CCNG1: variants seen among roughly 807,000 people sequenced by gnomAD.
CCNG1 encodes the protein cyclin G1.
Under a neutral mutation model 30.0 loss-of-function variants are expected in CCNG1, and 13 were observed. That is an observed-to-expected ratio of 0.43 (90% CI 0.28 to 0.69). The LOEUF is 0.69. Ranked by LOEUF, CCNG1 falls within the 30% of genes least tolerant of loss-of-function variation. The pLI is 0.16. For synonymous variants in CCNG1, 110 were observed against 121.5 expected (o/e 0.91, Z 0.62); for missense variants, 285 against 331.4 (o/e 0.86, Z 1.09).
downstream of CCNG1, chr5:163,447,781 G>A (rs573078196): frequency 1.3e-5 from 2 of 152,112 alleles, no homozygotes; most frequent in African/African-American, 2.4e-5. Context: ...CTAGAAATCA[G>A]TAACAGCAAG....
At chr5:163,438,109 G>A (rs1757582769) in intron 1 of CCNG1, among the ~76,000 whole-genome samples, 1 of 152,152 alleles carries the variant, frequency 6.6e-6, no homozygotes, top group Non-Finnish European at 1.5e-5. Flanking sequence ...TTTAGTTGGT[G>A]TGGGAGGGAC....
downstream of CCNG1, chr5:163,446,160 C>T (rs1427514839): frequency 6.6e-6 from 1 of 152,182 alleles, no homozygotes; most frequent in Non-Finnish European, 1.5e-5. Context: ...TTATAATTGA[C>T]TTGCCTTAGA....
downstream of CCNG1, chr5:163,448,118 C>T (rs1468764901): frequency 6.6e-6 from 1 of 150,470 alleles, no homozygotes; most frequent in African/African-American, 2.5e-5. Context: ...ATGATCATAA[C>T]ACTACTCCAG....
the CCNG1 span, among the ~76,000 whole-genome samples, chr5:163,454,448 T>G: frequency 6.6e-6 from 1 of 152,178 alleles, no homozygotes; most frequent in African/African-American, 2.4e-5. Context: ...TTCAAGCGAT[T>G]CTCCTGCCTA....
intron 6 of CCNG1, among the ~76,000 whole-genome samples, chr5:163,443,080 C>T (rs926287671): frequency 7.2e-5 from 11 of 152,114 alleles, no homozygotes; most frequent in African/African-American, 2.4e-4. Context: ...GAGGCCAAGG[C>T]GGGCGGATCA....
At chr5:163,439,062 G>A (rs1757659252) in intron 1 of CCNG1, 195 bp from the exon 2 acceptor site, 1 of 527,628 alleles carries the variant, frequency 1.9e-6, no homozygotes, top group Non-Finnish European at 3.3e-6. Flanking sequence ...TTCCCTCTAG[G>A]AACTCAATTT....
chr5:163,454,046 G>C, the CCNG1 span: 1 of 1,526,126 alleles, frequency 6.6e-7, no homozygotes, highest in Non-Finnish European at 8.9e-7. Flanking sequence ...GTCAAAACCA[G>C]GATTCTAAAA....
intron 3 of CCNG1, 115 bp downstream of exon 3, chr5:163,441,446 C>A: frequency 1.0e-6 from 1 of 979,642 alleles, no homozygotes; most frequent in Non-Finnish European, 1.5e-6. Context: ...AAAATGACAG[C>A]TGTGGCTCCT....
intron 2 of CCNG1, 88 bp downstream of exon 2, chr5:163,439,608 C>T: frequency 8.2e-7 from 1 of 1,218,782 alleles, no homozygotes; most frequent in Non-Finnish European, 1.1e-6. Context: ...ATAAACTTGA[C>T]CTTTTTTTTT....
chr5:163,455,244 C>T, the CCNG1 span, among the ~76,000 whole-genome samples: 1 of 151,954 alleles, frequency 6.6e-6, no homozygotes, highest in African/African-American at 2.4e-5. Context: ...TAAAAGTTAG[C>T]CAAACTGTGG....
At position 163,441,171 on chromosome 5, in the gene CCNG1, G is replaced by A. The variant is rs776036808; in HGVS notation, c.358G>A (p.Asp120Asn). The A allele has an allele frequency of 6.2e-7, 1 of 1,614,002 alleles. No homozygotes were observed. Among genetic ancestry groups the A allele is most frequent in the Admixed American group, 1.7e-5 (1 of 60,016 alleles). ...GGAAAGGAATGTCCCATTGGCAACT[G>A]ACTTGATCCGAATAAGTCAATATAG... ...EEERNVPLAT[D>N]LIRISQYRFT... Residue 120 changes from aspartate (D) to asparagine (N), a missense_variant, in exon 3 of 7, where the codon GAC (aspartate) becomes AAC (asparagine). Asp to Asn is a conservative substitution (Grantham distance 23). Transcript: ENST00000340828.
At chr5:163,442,199 C>T (rs1421211949) in intron 5 of CCNG1, 56 bp downstream of exon 5, 23 of 1,214,044 alleles carry the variant, frequency 1.9e-5, no homozygotes, top group Non-Finnish European at 2.6e-5. Flanking sequence ...AACTAAACCC[C>T]TTCTATCTCC....
the CCNG1 span, chr5:163,453,269 C>G: frequency 5.9e-5 from 9 of 152,154 alleles, no homozygotes; most frequent in Non-Finnish European, 1.3e-4. Flanking sequence ...GCCTAAATCA[C>G]TTACAATCAA....
the CCNG1 span, chr5:163,451,514 G>T: frequency 1.3e-5 from 2 of 152,098 alleles, no homozygotes; most frequent in African/African-American, 4.8e-5. Context: ...CACCAAAAAA[G>T]TTAATTTTAC....
chr5:163,449,114 GAATAAAATAAAA>G (rs1467432736), downstream of CCNG1: 1 of 152,030 alleles, frequency 6.6e-6, no homozygotes, highest in African/African-American at 2.4e-5. Flanking sequence ...AGACTAAAAA[GAATAAAATAAAA>G]CTGTTCCTAT....
downstream of CCNG1, chr5:163,450,550 G>A (rs905559312): frequency 6.6e-6 from 1 of 152,112 alleles, no homozygotes; most frequent in African/African-American, 2.4e-5. Flanking sequence ...TACACAAATA[G>A]CCAATAAGCA....
intron 6 of CCNG1, among the ~76,000 whole-genome samples, chr5:163,443,174 C>T (rs1227037694): frequency 3.3e-5 from 5 of 151,894 alleles, no homozygotes; most frequent in South Asian, 2.1e-4. Flanking sequence ...TAGCCAGTCG[C>T]GGTGGCGGGC....
intron 2 of CCNG1, 137 bp downstream of exon 2, chr5:163,439,657 C>G (rs1757707984): frequency 4.5e-6 from 3 of 661,210 alleles, no homozygotes; most frequent in Non-Finnish European, 7.7e-6. Context: ...TCTACTACAG[C>G]ATTAATATTT....
At chr5:163,446,796 C>T (rs1323152390), downstream of CCNG1, 2 of 152,190 alleles carry the variant, frequency 1.3e-5, no homozygotes, top group Admixed American at 6.5e-5. Context: ...GGACGGATCA[C>T]TTGAGGCCAG....
Sources: gnomAD v4.1 joint callset for allele counts (sites outside exome capture counted in the v4.1 genomes callset) on GRCh38, gnomAD v4.1.1 for gene constraint, MANE v1.5 for transcripts, NCBI Gene and HGNC (gene_info 2026-07-23, HGNC 2026-07-21) for gene names.